Variants in ASPRV1 observed in about 807,000 individuals in gnomAD.
ASPRV1 encodes aspartic peptidase retroviral like 1.
Under a neutral mutation model 11.0 loss-of-function variants are expected in ASPRV1, and 7 were observed. That is an observed-to-expected ratio of 0.64 (90% CI 0.36 to 1.20). The LOEUF is 1.20. Ranked by LOEUF, ASPRV1 falls within the 50% of genes most tolerant of loss-of-function variation. The probability of loss-of-function intolerance (pLI) is 0.02; values close to 1 mark genes in which losing one functional copy is unlikely to be tolerated. For synonymous variants in ASPRV1, 136 were observed against 138.4 expected, an observed-to-expected ratio of 0.98 and a Z score of 0.12; for missense variants, 299 against 320.0, an observed-to-expected ratio of 0.93 and a Z score of 0.50.
chr2:70,030,028 T>C, the ASPRV1 span: 1 of 152,330 alleles, frequency 6.6e-6, no homozygotes, highest in Admixed American at 6.5e-5. Flanking sequence ...TACCGAGCCA[T>C]TACATAATCC....
the ASPRV1 span, among the ~76,000 whole-genome samples, chr2:70,082,157 G>A: frequency 6.7e-6 from 1 of 149,172 alleles, no homozygotes; most frequent in African/African-American, 2.5e-5. Flanking sequence ...GTGTGTGTGT[G>A]TATTTTTAGT....
At chr2:69,938,124 C>A in the ASPRV1 span, 37 of 1,614,066 alleles carry the variant, frequency 2.3e-5, no homozygotes, top group Non-Finnish European at 3.1e-5. Flanking sequence ...GTGGAGAGCA[C>A]GGACTATCTC....
the ASPRV1 span, among the ~76,000 whole-genome samples, chr2:69,994,640 G>A: frequency 6.6e-6 from 1 of 152,188 alleles, no homozygotes; most frequent in Non-Finnish European, 1.5e-5. Flanking sequence ...CTGGTGGGTT[G>A]TGACTTGCTA....
chr2:69,970,520 C>T, the ASPRV1 span, among the ~76,000 whole-genome samples: 1 of 152,176 alleles, frequency 6.6e-6, no homozygotes, highest in Admixed American at 6.5e-5. Context: ...CCCTCTGACA[C>T]CCCTGTTCTC....
chr2:69,990,131 G>C, the ASPRV1 span, among the ~76,000 whole-genome samples: 5 of 152,222 alleles, frequency 3.3e-5, no homozygotes, highest in Non-Finnish European at 7.3e-5. Flanking sequence ...GGCAGGGCTT[G>C]AACCCCGGTG....
At chr2:70,073,210 G>GTT in the ASPRV1 span, 1 of 152,166 alleles carries the variant, frequency 6.6e-6, no homozygotes, top group African/African-American at 2.4e-5. Context: ...AAACATTCCT[G>GTT]TAATTGGATG....
the ASPRV1 span, chr2:70,011,947 C>G: frequency 6.6e-6 from 1 of 152,310 alleles, no homozygotes; most frequent in African/African-American, 2.4e-5. Flanking sequence ...GCTTCGGGGG[C>G]TAGCAAACAG....
At chr2:70,050,722 G>A in the ASPRV1 span, 16 of 152,186 alleles carry the variant, frequency 1.1e-4, no homozygotes, top group African/African-American at 3.4e-4. Flanking sequence ...GGCCAAGGCA[G>A]GAGGAGCACT....
the ASPRV1 span, among the ~76,000 whole-genome samples, chr2:69,932,959 G>A: frequency 6.6e-6 from 1 of 151,982 alleles, no homozygotes; most frequent in Non-Finnish European, 1.5e-5. Flanking sequence ...AGCACTTTGG[G>A]AGGCTGAGGC....
chr2:69,991,133 AC>A, the ASPRV1 span, among the ~76,000 whole-genome samples: 2 of 150,524 alleles, frequency 1.3e-5, no homozygotes, highest in Non-Finnish European at 3.0e-5. Flanking sequence ...CTGCCCCCAC[AC>A]CCCCTTCCTC....
At chr2:69,997,382 C>T in the ASPRV1 span, among the ~76,000 whole-genome samples, 1 of 152,120 alleles carries the variant, frequency 6.6e-6, no homozygotes, top group Non-Finnish European at 1.5e-5. Flanking sequence ...TCACCAGGAG[C>T]CCAGAAGGAA....
At chr2:69,990,233 G>A in the ASPRV1 span, among the ~76,000 whole-genome samples, 1 of 151,876 alleles carries the variant, frequency 6.6e-6, no homozygotes, top group Non-Finnish European at 1.5e-5. Context: ...GTCCAGGTTG[G>A]AGTACAATGG....
chr2:69,973,780 A>T, the ASPRV1 span, among the ~76,000 whole-genome samples: 1 of 152,240 alleles, frequency 6.6e-6, no homozygotes, highest in Non-Finnish European at 1.5e-5. Flanking sequence ...CAAAACATAC[A>T]TTTAAGTTTA....
the ASPRV1 span, among the ~76,000 whole-genome samples, chr2:70,065,431 C>G: frequency 4.2e-3 from 620 of 147,506 alleles, 7 homozygotes; most frequent in Non-Finnish European, 3.4e-3. Flanking sequence ...TTCCTGTTCT[C>G]TTTTAATTGG....
chr2:69,988,716 AC>A, the ASPRV1 span: 2 of 451,848 alleles, frequency 4.4e-6, no homozygotes, highest in Non-Finnish European at 8.9e-6. Context: ...TTAGAAACAA[AC>A]AAAAACCTTC....
the ASPRV1 span, among the ~76,000 whole-genome samples, chr2:70,044,695 G>C: frequency 6.6e-6 from 1 of 152,216 alleles, no homozygotes; most frequent in Non-Finnish European, 1.5e-5. Flanking sequence ...CCAACCTCAG[G>C]TGATCCGCCC....
the ASPRV1 span, among the ~76,000 whole-genome samples, chr2:69,990,339 A>G: frequency 6.6e-6 from 1 of 151,910 alleles, no homozygotes; most frequent in South Asian, 2.1e-4. Flanking sequence ...CCCCGCCACC[A>G]TGTCCGGCTA....
At chr2:69,953,386 G>A in the ASPRV1 span, among the ~76,000 whole-genome samples, 1 of 152,224 alleles carries the variant, frequency 6.6e-6, no homozygotes, top group East Asian at 1.9e-4. Flanking sequence ...CATGGGGTGG[G>A]TGCCTGGCGT....
At chr2:70,044,689 C>A in the ASPRV1 span, among the ~76,000 whole-genome samples, 2 of 152,130 alleles carry the variant, frequency 1.3e-5, no homozygotes, top group African/African-American at 2.4e-5. Context: ...AAACTCCCAA[C>A]CTCAGGTGAT....
Sources: gnomAD v4.1 joint callset for allele counts (sites outside exome capture counted in the v4.1 genomes callset) on GRCh38, gnomAD v4.1.1 for gene constraint, MANE v1.5 for transcripts, NCBI Gene and HGNC (gene_info 2026-07-23, HGNC 2026-07-21) for gene names.